The following PLA2G4A variants were observed in gnomAD, a reference collection of about 807,000 sequenced individuals.
The protein encoded by PLA2G4A is phospholipase A2 group IVA.
A neutral mutation model predicts 81.9 loss-of-function variants in PLA2G4A; 40 were observed. The observed-to-expected ratio is 0.49, with a 90% CI of 0.38 to 0.64. The LOEUF (loss-of-function observed/expected upper bound fraction) is 0.64, where lower values mean the gene tolerates loss of function less well. Ranked by LOEUF, PLA2G4A falls within the 30% of genes least tolerant of loss-of-function variation. The probability of loss-of-function intolerance (pLI) is 0.00; values close to 1 mark genes in which losing one functional copy is unlikely to be tolerated. For missense variants in PLA2G4A, 715 were observed against 905.1 expected (o/e 0.79, Z 2.69); for synonymous variants, 302 against 296.9 (o/e 1.02, Z -0.18).
chr1:186,880,114 T>C (rs1317790023), intron 3 of PLA2G4A, among the ~76,000 whole-genome samples: 1 of 152,010 alleles, frequency 6.6e-6, no homozygotes, highest in Non-Finnish European at 1.5e-5. Flanking sequence ...CAATGTTTAC[T>C]TGTGCAGCAG....
intron 3 of PLA2G4A, among the ~76,000 whole-genome samples, chr1:186,875,214 G>A (rs562632217): frequency 1.3e-5 from 2 of 152,082 alleles, no homozygotes; most frequent in African/African-American, 4.8e-5. Flanking sequence ...GCAGAGCAAA[G>A]ACTTTAAAAA....
chr1:186,835,252 G>GA (rs1389579930), intron 1 of PLA2G4A, among the ~76,000 whole-genome samples: 3 of 152,080 alleles, frequency 2.0e-5, no homozygotes, highest in African/African-American at 7.2e-5. Context: ...ACCCCTTATG[G>GA]AAAAAAGTAT....
chr1:186,917,345 G>C (rs1655176826), intron 7 of PLA2G4A, among the ~76,000 whole-genome samples: 2 of 152,180 alleles, frequency 1.3e-5, no homozygotes, highest in South Asian at 4.1e-4. Flanking sequence ...AGCTCTCCTA[G>C]TATAGGAGGA....
intron 14 of PLA2G4A, among the ~76,000 whole-genome samples, chr1:186,959,712 C>A (rs1268190287): frequency 6.6e-6 from 1 of 152,032 alleles, no homozygotes; most frequent in Admixed American, 6.6e-5. Flanking sequence ...CTGGTTGTTT[C>A]CAATTTTTAG....
chr1:186,904,034 A>T (rs1269248611), intron 5 of PLA2G4A, among the ~76,000 whole-genome samples: 1 of 152,194 alleles, frequency 6.6e-6, no homozygotes, highest in Non-Finnish European at 1.5e-5. Context: ...CAAGATAATT[A>T]GTGGGTTAGA....
intron 15 of PLA2G4A, among the ~76,000 whole-genome samples, chr1:186,974,132 T>C (rs916523618): frequency 7.9e-5 from 12 of 151,974 alleles, no homozygotes; most frequent in Non-Finnish European, 1.6e-4. Flanking sequence ...TTTTTACATG[T>C]AAATGAATGA....
intron 14 of PLA2G4A, among the ~76,000 whole-genome samples, chr1:186,963,633 C>T (rs1657032805): frequency 6.6e-6 from 1 of 152,072 alleles, no homozygotes; most frequent in Admixed American, 6.6e-5. Context: ...TATTCTGGGC[C>T]GTATGAATTG....
At chr1:186,976,866 A>G (rs1470124803) in intron 15 of PLA2G4A, among the ~76,000 whole-genome samples, 2 of 152,194 alleles carry the variant, frequency 1.3e-5, no homozygotes, top group Non-Finnish European at 2.9e-5. Flanking sequence ...GGCCACTTAC[A>G]TGCCAGCAGT....
At chr1:186,855,051 CT>C (rs1652501680) in intron 2 of PLA2G4A, among the ~76,000 whole-genome samples, 1 of 151,848 alleles carries the variant, frequency 6.6e-6, no homozygotes, top group Non-Finnish European at 1.5e-5. Context: ...AAATAAAATG[CT>C]GTTTTCTTAC....
chr1:186,853,587 A>T (rs538688702), intron 1 of PLA2G4A, among the ~76,000 whole-genome samples: 18 of 152,096 alleles, frequency 1.2e-4, no homozygotes, highest in African/African-American at 3.8e-4. Flanking sequence ...AAATGCTGAA[A>T]TACAAGTGTA....
chr1:186,974,015 T>C (rs1175428930), intron 15 of PLA2G4A, among the ~76,000 whole-genome samples: 2 of 151,978 alleles, frequency 1.3e-5, no homozygotes, highest in African/African-American at 4.8e-5. Context: ...GAAATCTGAC[T>C]TCCTCTAATG....
intron 7 of PLA2G4A, among the ~76,000 whole-genome samples, chr1:186,912,075 G>A (rs1654963866): frequency 6.6e-6 from 1 of 152,140 alleles, no homozygotes; most frequent in African/African-American, 2.4e-5. Flanking sequence ...TCCAAGGATG[G>A]AATGATGTGC....
chr1:186,968,424 G>GTGTGTGTGTC (rs1293855119), intron 15 of PLA2G4A, among the ~76,000 whole-genome samples: 4 of 151,198 alleles, frequency 2.6e-5, no homozygotes, highest in Non-Finnish European at 5.9e-5. Context: ...GTGTGTGTGT[G>GTGTGTGTGTC]TGTGTGTGTA....
chr1:186,962,485 ATTTT>A (rs1656985156), intron 14 of PLA2G4A, among the ~76,000 whole-genome samples: 1 of 124,760 alleles, frequency 8.0e-6, no homozygotes, highest in Non-Finnish European at 1.6e-5. Flanking sequence ...TAGTTATTTT[ATTTT>A]ATTTATTTAT....
chr1:186,917,634 T>C (rs1307941366), intron 7 of PLA2G4A, among the ~76,000 whole-genome samples: 1 of 152,198 alleles, frequency 6.6e-6, no homozygotes, highest in Non-Finnish European at 1.5e-5. Flanking sequence ...AGCTGATTCA[T>C]AAGGGCAGTC....
At chr1:186,864,407 G>A (rs1422050288) in intron 2 of PLA2G4A, among the ~76,000 whole-genome samples, 1 of 151,736 alleles carries the variant, frequency 6.6e-6, no homozygotes, top group Non-Finnish European at 1.5e-5. Context: ...TACAAATTTA[G>A]TTTTCCACCA....
At chr1:186,837,797 T>C (rs1571321896) in intron 1 of PLA2G4A, among the ~76,000 whole-genome samples, 1 of 146,120 alleles carries the variant, frequency 6.8e-6, no homozygotes, top group African/African-American at 2.6e-5. Flanking sequence ...TAAAATTTGA[T>C]GATTCAGGAA....
At chr1:186,902,045 G>A (rs1432758987) in intron 5 of PLA2G4A, among the ~76,000 whole-genome samples, 1 of 152,082 alleles carries the variant, frequency 6.6e-6, no homozygotes, top group East Asian at 1.9e-4. Context: ...AAACCTAGAT[G>A]GTACAGCCTG....
rs114451636 is a variant in PLA2G4A at position 186,851,651 on chromosome 1, G to T, written c.-69-2635G>T. On this transcript the variant is annotated intron_variant, in intron 1 of 17. Transcript: ENST00000367466. ...TGCTGATAATGGGAAGTGCTGAATC[G>T]TAAGGATTATATCACTCAATATAGG... is the stretch of plus-strand genomic sequence containing the variant. 2.2e-3 allele frequency among the ~76,000 whole-genome samples: 334 copies of T among 151,854 alleles called. 1 individual carries two copies. The highest frequency in any genetic ancestry group is 7.6e-3 in the African/African-American group (317 of 41,438).
Sources: gnomAD v4.1 joint callset for allele counts (sites outside exome capture counted in the v4.1 genomes callset) on GRCh38, gnomAD v4.1.1 for gene constraint, MANE v1.5 for transcripts, NCBI Gene and HGNC (gene_info 2026-07-23, HGNC 2026-07-21) for gene names.